GRIK4: variants seen among roughly 807,000 people sequenced by gnomAD.
GRIK4 encodes the protein glutamate ionotropic receptor kainate type subunit 4.
In GRIK4, 40 loss-of-function variants were observed where a neutral mutation model predicts 104.9. That is an observed-to-expected ratio of 0.38 (90% CI 0.30 to 0.50). The LOEUF (loss-of-function observed/expected upper bound fraction) is 0.50. GRIK4 is among the 20% of genes least tolerant of loss of function. GRIK4 has a pLI of 0.93. For missense variants in GRIK4, 1,047 were observed against 1,308.1 expected (o/e 0.80, Z 3.08); for synonymous variants, 485 against 524.9 (o/e 0.92, Z 1.04).
At chr11:120,933,608 AC>A (rs1565447695) in intron 13 of GRIK4, among the ~76,000 whole-genome samples, 2 of 152,118 alleles carry the variant, frequency 1.3e-5, no homozygotes, top group Admixed American at 6.5e-5. Context: ...AAGTTCAGTT[AC>A]CCCCTCTACT....
chr11:120,824,726 T>G (rs1372602713), intron 6 of GRIK4, among the ~76,000 whole-genome samples: 1 of 151,802 alleles, frequency 6.6e-6, no homozygotes, highest in Non-Finnish European at 1.5e-5. Flanking sequence ...ATTTTTTTAT[T>G]TTTTTGTAGA....
At chr11:120,834,419 A>G (rs1436306942) in intron 7 of GRIK4, among the ~76,000 whole-genome samples, 1 of 152,132 alleles carries the variant, frequency 6.6e-6, no homozygotes. Context: ...CTCCTGTGAC[A>G]TTGGAGCCAC....
intron 13 of GRIK4, among the ~76,000 whole-genome samples, chr11:120,912,453 C>A (rs1481538416): frequency 6.6e-6 from 1 of 152,096 alleles, no homozygotes; most frequent in Non-Finnish European, 1.5e-5. Context: ...AGACGGGAGC[C>A]CGTGAAGGCT....
At chr11:120,973,898 C>T (rs1944516968) in intron 19 of GRIK4, among the ~76,000 whole-genome samples, 1 of 132,224 alleles carries the variant, frequency 7.6e-6, no homozygotes, top group African/African-American at 2.9e-5. Flanking sequence ...ACCCAAAGAT[C>T]TCTTCCCTTA....
At chr11:120,911,659 T>G (rs1424442388) in intron 13 of GRIK4, among the ~76,000 whole-genome samples, 1 of 148,052 alleles carries the variant, frequency 6.8e-6, no homozygotes, top group Admixed American at 6.7e-5. Flanking sequence ...CTGGCCAACA[T>G]GGTGAAACCC....
At chr11:120,733,671 T>C (rs2135396039) in intron 3 of GRIK4, among the ~76,000 whole-genome samples, 1 of 152,276 alleles carries the variant, frequency 6.6e-6, no homozygotes, top group Non-Finnish European at 1.5e-5. Context: ...TATGTCATAT[T>C]GTACTATGCC....
intron 3 of GRIK4, among the ~76,000 whole-genome samples, chr11:120,745,421 A>G (rs1951422054): frequency 6.6e-6 from 1 of 152,156 alleles, no homozygotes; most frequent in African/African-American, 2.4e-5. Context: ...TTTCCATATC[A>G]GTTCATATGC....
intron 14 of GRIK4, among the ~76,000 whole-genome samples, chr11:120,941,665 G>A (rs1038897424): frequency 2.0e-5 from 3 of 152,130 alleles, no homozygotes; most frequent in Non-Finnish European, 4.4e-5. Flanking sequence ...TTTGAACACA[G>A]ACACATAGAG....
rs561130915 is a variant in GRIK4 at position 120,956,638 on chromosome 11, C to T, written c.1701-142C>T. On this transcript the variant is annotated intron_variant, in intron 15 of 20. Transcript: ENST00000527524. This position sits in a 1 kb window ranked among gnomAD's most constrained non-coding sequence, Gnocchi z 4.6. ...TTTTATTTTATTTTTTTTTTGGTTGCGAAACTCCAAGTCCAGCAAAGGGAA... is the reference window on the plus strand; with the variant it reads ...TTTTATTTTATTTTTTTTTTGGTTGTGAAACTCCAAGTCCAGCAAAGGGAA... 23 of 474,420 alleles carry T rather than the reference C, an allele frequency of 4.8e-5. No homozygotes were observed. The highest frequency in any genetic ancestry group is 7.7e-5 in the South Asian group (1 of 12,916). The allele number at this position is 474,420 out of a possible 1,614,324, so 29.4% of individuals were successfully genotyped here.
At chr11:120,934,684 AAC>A (rs934784239) in intron 13 of GRIK4, among the ~76,000 whole-genome samples, 2 of 152,220 alleles carry the variant, frequency 1.3e-5, no homozygotes, top group African/African-American at 4.8e-5. Flanking sequence ...TCAGAGGCAG[AAC>A]ACAAAGCTCT....
At chr11:120,898,983 C>T (rs891465174) in intron 12 of GRIK4, among the ~76,000 whole-genome samples, 18 of 152,276 alleles carry the variant, frequency 1.2e-4, no homozygotes, top group African/African-American at 4.3e-4. Context: ...TGCCCCTTCC[C>T]AGCAGCCCAC....
rs147131612 is a variant in GRIK4 at position 120,947,670 on chromosome 11, T to A, written c.1591-5185T>A. Among the ~76,000 whole-genome samples, 15 of 152,356 alleles carry A rather than the reference T, an allele frequency of 9.8e-5. 1 individual carries two copies. The highest frequency in any genetic ancestry group is 3.6e-4 in the African/African-American group (15 of 41,582). On this transcript the variant is annotated intron_variant, in intron 14 of 20. Coordinates refer to ENST00000527524, the MANE Select transcript of GRIK4 (RefSeq NM_014619.5). ...TAATGGAAATATGGATCCCTGAATG[T>A]ATAATAATATTGGTTATTTATTGAG... is the stretch of plus-strand genomic sequence containing the variant.
intron 1 of GRIK4, among the ~76,000 whole-genome samples, chr11:120,611,142 C>G (rs957218753): frequency 2.0e-5 from 3 of 152,120 alleles, no homozygotes; most frequent in Non-Finnish European, 4.4e-5. Flanking sequence ...GATCTAGGGA[C>G]TCTGGCCCCT....
chr11:120,797,376 G>A (rs996886392), intron 3 of GRIK4, among the ~76,000 whole-genome samples: 2 of 152,218 alleles, frequency 1.3e-5, no homozygotes, highest in African/African-American at 4.8e-5. Flanking sequence ...GGGGGACGCA[G>A]TGCAGGCTAT....
chr11:120,648,369 GGA>G (rs1410256064), intron 1 of GRIK4, among the ~76,000 whole-genome samples: 2 of 152,216 alleles, frequency 1.3e-5, no homozygotes, highest in Admixed American at 1.3e-4. Flanking sequence ...GACCCCCTTA[GGA>G]GACTGAACAT....
chr11:120,979,531 A>G (rs1944616137), intron 19 of GRIK4, among the ~76,000 whole-genome samples: 1 of 152,210 alleles, frequency 6.6e-6, no homozygotes, highest in African/African-American at 2.4e-5. Flanking sequence ...AATAATTCTG[A>G]TGTAGACCAC....
intron 13 of GRIK4, among the ~76,000 whole-genome samples, chr11:120,921,119 C>T (rs1943219240): frequency 6.6e-6 from 1 of 152,176 alleles, no homozygotes; most frequent in African/African-American, 2.4e-5. Flanking sequence ...CCTGAAGGAC[C>T]CCCATCCTCT....
Position 120,875,302 on chromosome 11 carries a change from G to T in GRIK4, c.1164+59G>T. 18 of 1,102,018 alleles carry T rather than the reference G, an allele frequency of 1.6e-5. No homozygotes were observed. The South Asian group carries it at 2.3e-4, about 14-fold the overall frequency. The allele number at this position is 1,102,018 out of a possible 1,614,324, so 68.3% of individuals were successfully genotyped here. On this transcript the variant is annotated intron_variant, in intron 11 of 20. Coordinates refer to ENST00000527524, the MANE Select transcript of GRIK4 (RefSeq NM_014619.5). ...CTCCTCTCTGTTCCATTTCATTGAT[G>T]CCTCGGTGTTTTGGATGGCCTCCTG...
rs373646525 is a variant in GRIK4, at chr11:120,667,040, C to T, written c.82+6640C>T. On this transcript the variant is annotated intron_variant, in intron 3 of 20. Coordinates refer to ENST00000527524, the MANE Select transcript of GRIK4 (RefSeq NM_014619.5). Reference sequence around the variant, plus strand: ...TTTTGGATACCAAGGTCCCCATACCCGGAGGGGGCCACACAGGTCGGACAG... The same window carrying T: ...TTTTGGATACCAAGGTCCCCATACCTGGAGGGGGCCACACAGGTCGGACAG... Among the ~76,000 whole-genome samples the T allele has an allele frequency of 4.4e-4, 67 of 152,298 alleles. No homozygotes were observed. In the East Asian group the frequency reaches 7.1e-3, roughly 16 times the overall value.
Sources: gnomAD v4.1 joint callset for allele counts (sites outside exome capture counted in the v4.1 genomes callset) on GRCh38, gnomAD v4.1.1 for gene constraint, Gnocchi (gnomAD v3.1) non-coding constraint, MANE v1.5 for transcripts, NCBI Gene and HGNC (gene_info 2026-07-23, HGNC 2026-07-21) for gene names.